Variants in PCDHGA7 observed in about 807,000 individuals in gnomAD.
PCDHGA7 encodes protocadherin gamma subfamily A, 7, also known as protocadherin gamma-A7.
A neutral mutation model predicts 58.3 loss-of-function variants in PCDHGA7; 44 were observed. That is an observed-to-expected ratio of 0.75 (90% confidence interval 0.59 to 0.97). The LOEUF is 0.97. Ranked by LOEUF, PCDHGA7 falls within the 50% of genes least tolerant of loss-of-function variation. The probability of loss-of-function intolerance (pLI) is 0.00; values close to 1 mark genes in which losing one functional copy is unlikely to be tolerated. For missense variants in PCDHGA7, 1,266 were observed against 1,188.7 expected, an observed-to-expected ratio of 1.06 and a Z score of -0.96; for synonymous variants, 516 against 504.2, an observed-to-expected ratio of 1.02 and a Z score of -0.31.
At chr5:141,457,356 C>G (rs2098917888) in intron 1 of PCDHGA7, among the ~76,000 whole-genome samples, 1 of 152,170 alleles carries the variant, frequency 6.6e-6, no homozygotes, top group South Asian at 2.1e-4. Context: ...TTACCTGGCA[C>G]AATTTGCAAA....
chr5:141,489,150 T>C lies in PCDHGA7; in HGVS notation c.2425-5657T>C. The C allele has an allele frequency of 1.7e-5, 15 of 862,654 alleles. No individual in the cohort carries two copies. Among genetic ancestry groups the C allele is most frequent in the Middle Eastern group, 2.5e-4 (1 of 4,044 alleles). 53.4% of individuals were successfully genotyped at this position (862,654 alleles called of 1,614,324 possible). On this transcript the variant is annotated intron_variant, in intron 1 of 3. Transcript: ENST00000518325. The surrounding 1 kb of genome is among the most constrained non-coding windows in gnomAD (Gnocchi z 4.5). ...GTTTTTAAGAGGCTGGAAGGAGACA[T>C]AAGAGACTTCAGCTGCTGCATTCCA...
chr5:141,398,383 G>C, intron 1 of PCDHGA7: 4 of 1,451,918 alleles, frequency 2.8e-6, no homozygotes, highest in Non-Finnish European at 2.9e-6. Context: ...GGAGTTGCTT[G>C]TGAGCAGCAG....
intron 1 of PCDHGA7, chr5:141,387,848 C>A (rs746271589): frequency 1.1e-5 from 18 of 1,597,460 alleles, no homozygotes; most frequent in Non-Finnish European, 1.5e-5. Flanking sequence ...AACCCGGCGT[C>A]TCCAGGCTGG....
chr5:141,456,087 C>T (rs1218579202), intron 1 of PCDHGA7, among the ~76,000 whole-genome samples: 1 of 151,886 alleles, frequency 6.6e-6, no homozygotes, highest in Non-Finnish European at 1.5e-5. Context: ...TCAGTAGAGA[C>T]GGGATTTCAC....
At chr5:141,421,878 T>C (rs1364225081) in intron 1 of PCDHGA7, 1 of 1,613,612 alleles carries the variant, frequency 6.2e-7, no homozygotes, top group African/African-American at 1.3e-5. Context: ...CAGCTTTAGA[T>C]GGAGGCGATC....
rs574905149 is a variant in PCDHGA7 at position 141,400,501 on chromosome 5, G to C, written c.2424+15178G>C. 1 of 1,613,878 alleles carries C rather than the reference G, an allele frequency of 6.2e-7. No homozygotes were observed. The highest frequency in any genetic ancestry group is 1.7e-5 in the Admixed American group (1 of 60,012). On this transcript the variant is annotated intron_variant, in intron 1 of 3. Transcript: ENST00000518325. ...CTTATTTCCACTTTGTAATTCCAGC[G>C]AGTCGACTTCCCATCCTGAGTTGGT...
chr5:141,417,028 GTTT>G, intron 1 of PCDHGA7: 2 of 150,056 alleles, frequency 1.3e-5, no homozygotes, highest in East Asian at 3.9e-4. Flanking sequence ...AAAAATACAG[GTTT>G]TTTTTTTAAA....
In PCDHGA7 at chr5:141,491,832, C is replaced by A; in HGVS notation, c.2425-2975C>A. On this transcript the variant is annotated intron_variant, in intron 1 of 3. Coordinates refer to ENST00000518325, the MANE Select transcript of PCDHGA7 (RefSeq NM_018920.4). The surrounding 1 kb of genome is among the most constrained non-coding windows in gnomAD (Gnocchi z 6.9). ...GTCGCTGGCTGCGCTCCACCCGATT[C>A]TCGGGATCATTGGACCGTTTGCGCG... 6.8e-7 allele frequency: 1 copy of A among 1,474,424 alleles called. No individual in the cohort carries two copies. 91.3% of individuals were successfully genotyped at this position (1,474,424 alleles called of 1,614,324 possible).
At chr5:141,395,179 A>G in intron 1 of PCDHGA7, 1 of 1,614,164 alleles carries the variant, frequency 6.2e-7, no homozygotes, top group Non-Finnish European at 8.5e-7. Flanking sequence ...GAGAAAAATG[A>G]TTCTTTGTTA....
At chr5:141,420,301 C>CT (rs768732518) in intron 1 of PCDHGA7, 1 of 1,462,190 alleles carries the variant, frequency 6.8e-7, no homozygotes, top group African/African-American at 1.4e-5. Flanking sequence ...GTATTTAATC[C>CT]TTTTTATATT....
At chr5:141,457,881 G>T (rs2098931594) in intron 1 of PCDHGA7, among the ~76,000 whole-genome samples, 2 of 152,230 alleles carry the variant, frequency 1.3e-5, no homozygotes, top group African/African-American at 4.8e-5. Context: ...TAGGAACCCT[G>T]TGTGGGGACT....
rs2154594699 is a variant in PCDHGA7 at position 141,512,507 on chromosome 5, C to T, written c.*1334C>T. 6.5e-6 allele frequency: 1 copy of T among 153,048 alleles called. No individual in the cohort carries two copies. Among genetic ancestry groups the T allele is most frequent in the South Asian group, 2.1e-4 (1 of 4,836 alleles). 9.5% of individuals were successfully genotyped at this position (153,048 alleles called of 1,614,324 possible). ...CACTGCCCAGGTCCCCAGTGCGCCCCCTAGTGGCCATAGCCTGGTTAAAGT... is the reference window on the plus strand; with the variant it reads ...CACTGCCCAGGTCCCCAGTGCGCCCTCTAGTGGCCATAGCCTGGTTAAAGT... On this transcript the variant is annotated 3_prime_UTR_variant, in exon 4 of 4. Transcript: ENST00000518325.
chr5:141,429,858 A>T (rs1183727412), intron 1 of PCDHGA7, among the ~76,000 whole-genome samples: 1 of 152,192 alleles, frequency 6.6e-6, no homozygotes, highest in East Asian at 1.9e-4. Context: ...CATTCTTTGG[A>T]CTACCAATTT....
rs748828282 is a variant in PCDHGA7 at position 141,491,412 on chromosome 5, C to T, written c.2425-3395C>T. The T allele has an allele frequency of 3.1e-6, 5 of 1,613,944 alleles. No homozygotes were observed. The African/African-American group carries it at 5.3e-5, about 17-fold the overall frequency. Reference sequence around the variant, plus strand: ...GCCTTCAGGGAAACGCAGACGGGGACGGGGGTGGAGGGCAGTGCTGCAGGC... The same window carrying T: ...GCCTTCAGGGAAACGCAGACGGGGATGGGGGTGGAGGGCAGTGCTGCAGGC... On this transcript the variant is annotated intron_variant, in intron 1 of 3. Coordinates refer to ENST00000518325, the MANE Select transcript of PCDHGA7 (RefSeq NM_018920.4). The surrounding 1 kb of genome is among the most constrained non-coding windows in gnomAD (Gnocchi z 6.9).
intron 1 of PCDHGA7, chr5:141,405,444 G>C: frequency 7.2e-7 from 1 of 1,379,466 alleles, no homozygotes; most frequent in Non-Finnish European, 1.0e-6. Flanking sequence ...TTTTGAGACA[G>C]AGTCTTACTC....
chr5:141,485,192 A>T lies in PCDHGA7; in HGVS notation c.2425-9615A>T. 1.2e-6 allele frequency: 2 copies of T among 1,613,942 alleles called. No individual in the cohort carries two copies. Among genetic ancestry groups the T allele is most frequent in the African/African-American group, 2.7e-5 (2 of 75,048 alleles). On this transcript the variant is annotated intron_variant, in intron 1 of 3. Transcript: ENST00000518325. The surrounding 1 kb of genome is among the most constrained non-coding windows in gnomAD (Gnocchi z 5.7). ...GGCAGCAATGCTCCGCAAGGTGAGA[A>T]GCTGGACAGAAATCTGGCGGTGGGC... is the stretch of plus-strand genomic sequence containing the variant.
intron 1 of PCDHGA7, chr5:141,403,999 T>C (rs1399272947): frequency 3.1e-6 from 5 of 1,613,898 alleles, no homozygotes; most frequent in Non-Finnish European, 4.2e-6. Context: ...AAGTGACCAT[T>C]ACATCTCTGT....
intron 1 of PCDHGA7, chr5:141,430,555 TC>T (rs1232264614): frequency 9.7e-6 from 4 of 411,788 alleles, no homozygotes; most frequent in Non-Finnish European, 1.3e-5. Flanking sequence ...TGTTCACCAA[TC>T]GGGGAGAGAA....
chr5:141,423,551 A>T, intron 1 of PCDHGA7: 2 of 1,613,616 alleles, frequency 1.2e-6, no homozygotes, highest in Non-Finnish European at 1.7e-6. Context: ...CCCCAGCCCA[A>T]CTATGGGGAC....
Sources: allele counts gnomAD v4.1 joint callset (sites outside exome capture counted in the v4.1 genomes callset), GRCh38; gene constraint gnomAD v4.1.1; non-coding constraint Gnocchi (gnomAD v3.1); transcripts MANE v1.5; gene names NCBI Gene and HGNC (gene_info 2026-07-23, HGNC 2026-07-21).